TTYH3: variants seen among roughly 807,000 people sequenced by gnomAD.
TTYH3 encodes protein tweety homolog 3.
TTYH3 carries 23 observed loss-of-function variants against 68.2 expected under a neutral mutation model. The ratio of observed to expected loss-of-function variants is 0.34; its 90% confidence interval spans 0.24 to 0.48. The LOEUF is 0.48. TTYH3 is among the 20% of genes least tolerant of loss of function. The pLI is 0.99. For missense variants in TTYH3, 768 were observed against 727.7 expected, an observed-to-expected ratio of 1.06 and a Z score of -0.64; for synonymous variants, 360 against 332.8, an observed-to-expected ratio of 1.08 and a Z score of -0.89.
intron 1 of TTYH3, among the ~76,000 whole-genome samples, chr7:2,639,206 C>T (rs1395137238): frequency 6.6e-6 from 1 of 152,194 alleles, no homozygotes; most frequent in African/African-American, 2.4e-5. Flanking sequence ...CTCCCACTCC[C>T]ACCTCTCGCC....
intron 13 of TTYH3, among the ~76,000 whole-genome samples, 187 bp from the exon 14 acceptor site, chr7:2,661,481 G>A (rs561236741): frequency 6.6e-6 from 1 of 152,260 alleles, no homozygotes; most frequent in East Asian, 1.9e-4. Flanking sequence ...CAGACCTAGA[G>A]CGCAGGGGCC....
At chr7:2,648,824 AG>A (rs1786074700) in intron 5 of TTYH3, among the ~76,000 whole-genome samples, 2 of 151,324 alleles carry the variant, frequency 1.3e-5, no homozygotes, top group Admixed American at 1.3e-4. Context: ...CAGGGGCCCA[AG>A]GGAGTAAGGG....
At chr7:2,648,756 T>TGGG (rs35823902) in intron 5 of TTYH3, among the ~76,000 whole-genome samples, 39 of 140,796 alleles carry the variant, frequency 2.8e-4, no homozygotes, top group Middle Eastern at 3.6e-3. Flanking sequence ...AGTAGGGTGG[T>TGGG]GGGGGGGGGT....
chr7:2,646,739 C>A, intron 1 of TTYH3, 114 bp from the exon 2 acceptor site: 1 of 1,214,090 alleles, frequency 8.2e-7, no homozygotes, highest in Non-Finnish European at 1.1e-6. Context: ...GCCCACCTCC[C>A]AGGGCTGGGG....
At chr7:2,643,811 C>CGGGT in intron 1 of TTYH3, among the ~76,000 whole-genome samples, 1 of 151,960 alleles carries the variant, frequency 6.6e-6, no homozygotes, top group African/African-American at 2.4e-5. Context: ...GCGGAGGTCA[C>CGGGT]ACCTGTTTAG....
rs1022549497 is a variant in TTYH3, at chr7:2,663,190, G to A, written c.*1451G>A. The A allele has an allele frequency of 1.3e-5, 2 of 152,514 alleles. No individual in the cohort carries two copies. Among genetic ancestry groups the A allele is most frequent in the African/African-American group, 4.8e-5 (2 of 41,468 alleles). 9.4% of individuals were successfully genotyped at this position (152,514 alleles called of 1,614,324 possible). A position where few individuals can be genotyped will look rare whatever the true frequency, so the allele number is the denominator to read the frequency against. On this transcript the variant is annotated 3_prime_UTR_variant, in exon 14 of 14. Coordinates refer to ENST00000258796, the MANE Select transcript of TTYH3 (RefSeq NM_025250.3). ...GCTCGATGCCTGTGCCAAGGCCAGGGGCAGCCAGAGGGCAGCTGGATGGCC... is the reference window on the plus strand; with the variant it reads ...GCTCGATGCCTGTGCCAAGGCCAGGAGCAGCCAGAGGGCAGCTGGATGGCC...
intron 1 of TTYH3, among the ~76,000 whole-genome samples, chr7:2,637,603 T>C (rs1785714243): frequency 6.6e-6 from 1 of 152,206 alleles, no homozygotes; most frequent in Non-Finnish European, 1.5e-5. Flanking sequence ...CCGTCAGTTC[T>C]GCTGAGGCCT....
chr7:2,632,164 G>C lies in TTYH3; in HGVS notation c.9G>C (p.Gly3=). Reference sequence around the variant, plus strand: ...GGCGGCCGGGCCCCGCCATGGCCGGGGTCAGCTACGCGGCGCCCTGGTGGG... The same window carrying C: ...GGCGGCCGGGCCCCGCCATGGCCGGCGTCAGCTACGCGGCGCCCTGGTGGG... MA[G]VSYAAPWWVS... Residue 3 remains glycine (G), a synonymous_variant, in exon 1 of 14, where the codon GGG becomes GGC. Coordinates refer to ENST00000258796, the MANE Select transcript of TTYH3 (RefSeq NM_025250.3). 1 of 1,469,688 alleles carries C rather than the reference G, an allele frequency of 6.8e-7. No homozygotes were observed. The allele number at this position is 1,469,688 out of a possible 1,614,324, so 91.0% of individuals were successfully genotyped here.
chr7:2,652,851 G>A lies in TTYH3; in HGVS notation c.928-67G>A, dbSNP rs891655258. On this transcript the variant is annotated intron_variant, in intron 8 of 13. Transcript: ENST00000258796. ...TCTTGCTGGTGTCCCCGCGTTGGAGGGTCCTGGGGAGGGAGAGGCGGGCGG... is the reference window on the plus strand; with the variant it reads ...TCTTGCTGGTGTCCCCGCGTTGGAGAGTCCTGGGGAGGGAGAGGCGGGCGG... 4.5e-6 allele frequency: 6 copies of A among 1,339,630 alleles called. No homozygotes were observed. In the African/African-American group the frequency reaches 5.8e-5, roughly 13 times the overall value. The allele number at this position is 1,339,630 out of a possible 1,614,324, so 83.0% of individuals were successfully genotyped here.
intron 10 of TTYH3, 103 bp from the exon 11 acceptor site, chr7:2,656,295 C>G: frequency 1.9e-6 from 3 of 1,567,068 alleles, no homozygotes; most frequent in Non-Finnish European, 2.6e-6. Flanking sequence ...TCAGCCCTGC[C>G]TCTGGGGGGC....
At position 2,661,869 on chromosome 7, in the gene TTYH3, C is replaced by T. The variant is rs1031833924; in HGVS notation, c.*130C>T. ...GCCTGCCCCAGACGCGTCTGCAGGC[C>T]GCTTGCCCTCCTGTCCCCTCCCCGC... On this transcript the variant is annotated 3_prime_UTR_variant, in exon 14 of 14. Coordinates refer to ENST00000258796, the MANE Select transcript of TTYH3 (RefSeq NM_025250.3). 2.9e-5 allele frequency: 29 copies of T among 1,008,620 alleles called. No individual in the cohort carries two copies. Among genetic ancestry groups the T allele is most frequent in the African/African-American group, 4.8e-5 (3 of 62,952 alleles). The allele number at this position is 1,008,620 out of a possible 1,614,324, so 62.5% of individuals were successfully genotyped here.
At chr7:2,655,619 G>A (rs1786310986) in intron 9 of TTYH3, among the ~76,000 whole-genome samples, 2 of 152,260 alleles carry the variant, frequency 1.3e-5, no homozygotes, top group Admixed American at 6.5e-5. Context: ...GCACACGCAT[G>A]CACACACGTA....
chr7:2,645,651 C>A lies in TTYH3; in HGVS notation c.124-1202C>A. On this transcript the variant is annotated intron_variant, in intron 1 of 13. Coordinates refer to ENST00000258796, the MANE Select transcript of TTYH3 (RefSeq NM_025250.3). The surrounding 1 kb of genome is among the most constrained non-coding windows in gnomAD (Gnocchi z 4.8). ...TGTAGCAGTGTGGGGCCAGCCCCAC[C>A]ATCTCATCCAGCGTGGGGGCACGCC... The A allele has an allele frequency of 2.5e-6, 1 of 393,376 alleles. No individual in the cohort carries two copies. The highest frequency in any genetic ancestry group is 1.8e-5 in the South Asian group (1 of 54,438). The allele number at this position is 393,376 out of a possible 1,614,324, so 24.4% of individuals were successfully genotyped here. A position where few individuals can be genotyped will look rare whatever the true frequency, so the allele number is the denominator to read the frequency against.
chr7:2,644,556 G>C (rs775989496), intron 1 of TTYH3, among the ~76,000 whole-genome samples: 7 of 152,208 alleles, frequency 4.6e-5, no homozygotes, highest in Admixed American at 2.6e-4. Flanking sequence ...AGTGGCTCTG[G>C]TGCCAGCCCT....
Position 2,661,884 on chromosome 7 carries a change from C to T in TTYH3, c.*145C>T. On this transcript the variant is annotated 3_prime_UTR_variant, in exon 14 of 14. Coordinates refer to ENST00000258796, the MANE Select transcript of TTYH3 (RefSeq NM_025250.3). ...GTCTGCAGGCCGCTTGCCCTCCTGT[C>T]CCCTCCCCGCAGGGGCACAGTGGAG... The T allele has an allele frequency of 1.2e-6, 1 of 861,552 alleles. No homozygotes were observed. Among genetic ancestry groups the T allele is most frequent in the Non-Finnish European group, 1.8e-6 (1 of 549,736 alleles). 53.4% of individuals were successfully genotyped at this position (861,552 alleles called of 1,614,324 possible).
Position 2,639,364 on chromosome 7 carries a change from G to A in TTYH3, c.123+7086G>A, listed in dbSNP as rs560431640. ...CCAGGCCTTGGCTGACACTGTCCCC[G>A]GGCCAAGAGTGCCCTCCCCCACCTG... On this transcript the variant is annotated intron_variant, in intron 1 of 13. Transcript: ENST00000258796. Among the ~76,000 whole-genome samples, 51 of 152,286 alleles carry A rather than the reference G, an allele frequency of 3.3e-4. No individual in the cohort carries two copies. In the East Asian group the frequency reaches 9.1e-3, roughly 27 times the overall value.
intron 1 of TTYH3, among the ~76,000 whole-genome samples, chr7:2,644,725 C>A (rs767675285): frequency 6.6e-6 from 1 of 152,184 alleles, no homozygotes; most frequent in Admixed American, 6.5e-5. Flanking sequence ...GTGGACACAC[C>A]GGTGTGGCTT....
intron 8 of TTYH3, among the ~76,000 whole-genome samples, chr7:2,652,495 C>A (rs1338723168): frequency 6.6e-6 from 1 of 152,206 alleles, no homozygotes; most frequent in East Asian, 1.9e-4. Context: ...ACTGCTTTTG[C>A]TCCTTGGATT....
intron 1 of TTYH3, among the ~76,000 whole-genome samples, chr7:2,643,801 G>A (rs1258803518): frequency 8.0e-6 from 1 of 125,754 alleles, no homozygotes; most frequent in Non-Finnish European, 1.6e-5. Flanking sequence ...GCCGGTGGCT[G>A]CGGAGGTCAC....
Sources: gnomAD v4.1 joint callset for allele counts (sites outside exome capture counted in the v4.1 genomes callset) on GRCh38, gnomAD v4.1.1 for gene constraint, Gnocchi (gnomAD v3.1) non-coding constraint, MANE v1.5 for transcripts, NCBI Gene and HGNC (gene_info 2026-07-23, HGNC 2026-07-21) for gene names.